The following ABI3BP variants were observed in gnomAD, a reference collection of about 807,000 sequenced individuals.
ABI3BP encodes the protein target of Nesh-SH3.
A neutral mutation model predicts 268.6 loss-of-function variants in ABI3BP; 216 were observed. The observed-to-expected ratio is 0.80, with a 90% CI of 0.72 to 0.90. The LOEUF is 0.90. Among genes scored for constraint, ABI3BP ranks in the 40% least tolerant of loss-of-function variants. The pLI is 0.00. For synonymous variants in ABI3BP, 730 were observed against 730.0 expected, an observed-to-expected ratio of 1.00 and a Z score of 0.00; for missense variants, 2,090 against 2,182.4, an observed-to-expected ratio of 0.96 and a Z score of 0.84.
At chr3:100,814,415 C>A (rs1315844749) in intron 44 of ABI3BP, among the ~76,000 whole-genome samples, 2 of 152,040 alleles carry the variant, frequency 1.3e-5, no homozygotes, top group Non-Finnish European at 2.9e-5. Context: ...AGTATTGATA[C>A]TTGTTTTATT....
intron 1 of ABI3BP, among the ~76,000 whole-genome samples, chr3:100,933,867 T>C (rs1561811204): frequency 2.0e-5 from 3 of 152,056 alleles, no homozygotes; most frequent in South Asian, 2.1e-4. Flanking sequence ...AGGACAGATG[T>C]TCTGTACCAC....
chr3:100,756,781 T>G (rs1047473357), intron 63 of ABI3BP, among the ~76,000 whole-genome samples: 2 of 150,000 alleles, frequency 1.3e-5, no homozygotes, highest in African/African-American at 2.5e-5. Flanking sequence ...TTTGGGTTTT[T>G]TTTTTTTTTT....
chr3:100,820,370 C>A, intron 39 of ABI3BP, 67 bp from the exon 40 acceptor site: 1 of 1,244,830 alleles, frequency 8.0e-7, no homozygotes, highest in Non-Finnish European at 1.1e-6. Flanking sequence ...GCATGACATA[C>A]GGTTTGAGAT....
intron 51 of ABI3BP, among the ~76,000 whole-genome samples, chr3:100,798,310 T>C (rs750702220): frequency 1.3e-5 from 2 of 152,144 alleles, no homozygotes; most frequent in Non-Finnish European, 2.9e-5. Context: ...GTGAAATCAG[T>C]GGAAAGGAAA....
intron 63 of ABI3BP, among the ~76,000 whole-genome samples, chr3:100,757,258 C>T (rs1383754433): frequency 6.6e-6 from 1 of 152,046 alleles, no homozygotes; most frequent in Non-Finnish European, 1.5e-5. Context: ...ATAAATTTCC[C>T]AGTACTGAAA....
At chr3:100,917,141 A>T (rs2058845456) in intron 2 of ABI3BP, among the ~76,000 whole-genome samples, 1 of 152,218 alleles carries the variant, frequency 6.6e-6, no homozygotes, top group South Asian at 2.1e-4. Context: ...CAGCTATTAC[A>T]GCTGTGAATA....
At chr3:100,882,454 A>G (rs1169800997) in intron 6 of ABI3BP, among the ~76,000 whole-genome samples, 2 of 146,666 alleles carry the variant, frequency 1.4e-5, no homozygotes, top group Non-Finnish European at 3.0e-5. Context: ...TAATATATAT[A>G]TATATATTTT....
intron 1 of ABI3BP, among the ~76,000 whole-genome samples, chr3:100,944,464 T>G (rs2071125393): frequency 6.6e-6 from 1 of 152,078 alleles, no homozygotes; most frequent in Non-Finnish European, 1.5e-5. Context: ...TCTACCAATA[T>G]TAAAACATCC....
At chr3:100,847,920 A>G (rs1176804020) in intron 18 of ABI3BP, among the ~76,000 whole-genome samples, 3 of 152,192 alleles carry the variant, frequency 2.0e-5, no homozygotes, top group Non-Finnish European at 4.4e-5. Flanking sequence ...ATATTGTTTG[A>G]CAATGAAGAA....
chr3:100,750,606 A>G lies in ABI3BP; in HGVS notation c.5250T>C (p.Tyr1750=), dbSNP rs1009835283. ...CAGGTTCCTGGCGAACTGCTCTGAA[A>G]TAACCTGAGAGAGAAAATAGTTTCA... ...TSDQLPIKEG[Y]FRAVRQEPVQ... The change falls in exon 68 of 68, where the codon TAT becomes TAC. Residue 1750 remains tyrosine (Y), a synonymous_variant. Coordinates refer to ENST00000471714, the MANE Select transcript of ABI3BP (RefSeq NM_001375547.2). 1 of 1,609,000 alleles carries G rather than the reference A, an allele frequency of 6.2e-7. No homozygotes were observed. The highest frequency in any genetic ancestry group is 1.7e-4 in the Middle Eastern group (1 of 6,044).
intron 9 of ABI3BP, among the ~76,000 whole-genome samples, chr3:100,869,969 T>C (rs1581262203): frequency 6.6e-6 from 1 of 152,300 alleles, no homozygotes; most frequent in East Asian, 1.9e-4. Context: ...AACTTTTTTG[T>C]TTATATCTCT....
intron 6 of ABI3BP, among the ~76,000 whole-genome samples, chr3:100,882,873 C>T (rs1394388794): frequency 6.6e-6 from 1 of 151,980 alleles, no homozygotes; most frequent in East Asian, 1.9e-4. Flanking sequence ...AGCATGACAG[C>T]CAAGAGGGTA....
In ABI3BP at chr3:100,828,470, A is replaced by T; in HGVS notation, c.2543-18T>A. ...AGCAGGAACTGGCCAAAAATAATAA[A>T]AATAAAACACCAACAAAACATTAAA... On this transcript the variant is annotated intron_variant, in intron 33 of 67. Coordinates refer to ENST00000471714, the MANE Select transcript of ABI3BP (RefSeq NM_001375547.2). 6.6e-7 allele frequency: 1 copy of T among 1,523,358 alleles called. No individual in the cohort carries two copies. The highest frequency in any genetic ancestry group is 8.8e-7 in the Non-Finnish European group (1 of 1,137,224). 94.4% of individuals were successfully genotyped at this position (1,523,358 alleles called of 1,614,324 possible).
intron 1 of ABI3BP, among the ~76,000 whole-genome samples, chr3:100,964,614 C>A (rs2080558416): frequency 6.6e-6 from 1 of 152,192 alleles, no homozygotes; most frequent in South Asian, 2.1e-4. Flanking sequence ...TGTTTAACAT[C>A]TTTTTGCCTC....
At position 100,834,678 on chromosome 3, in the gene ABI3BP, A is replaced by G; in HGVS notation, c.2281+6T>C. On this transcript the variant is annotated splice_donor_region_variant and intron_variant, in intron 29 of 67. Coordinates refer to ENST00000471714, the MANE Select transcript of ABI3BP (RefSeq NM_001375547.2). ...CCACAGGGACAAGGAACCACATATT[A>G]TTTACCTAGTTTGGTCTGCAGTGTC... The G allele has an allele frequency of 6.5e-7, 1 of 1,534,858 alleles. No homozygotes were observed. The highest frequency in any genetic ancestry group is 8.7e-7 in the Non-Finnish European group (1 of 1,146,070).
intron 58 of ABI3BP, among the ~76,000 whole-genome samples, chr3:100,778,871 TC>T (rs2096788062): frequency 6.6e-6 from 1 of 152,182 alleles, no homozygotes. Flanking sequence ...GATTTTAGTA[TC>T]TGAGGAAAAT....
intron 1 of ABI3BP, among the ~76,000 whole-genome samples, chr3:100,988,361 A>G (rs564486144): frequency 1.3e-5 from 2 of 152,324 alleles, no homozygotes; most frequent in Non-Finnish European, 2.9e-5. Flanking sequence ...GAGTCAGGCC[A>G]GATAGAGACA....
intron 2 of ABI3BP, among the ~76,000 whole-genome samples, chr3:100,904,775 G>A (rs1018782540): frequency 1.3e-5 from 2 of 152,196 alleles, no homozygotes; most frequent in African/African-American, 4.8e-5. Flanking sequence ...GTGCTGGAGA[G>A]GATGTGGAGA....
chr3:100,948,511 T>C (rs527953308), intron 1 of ABI3BP, among the ~76,000 whole-genome samples: 1 of 152,336 alleles, frequency 6.6e-6, no homozygotes, highest in East Asian at 1.9e-4. Flanking sequence ...AAAAGCTTGA[T>C]GAAAACAAAG....
Sources: allele counts gnomAD v4.1 joint callset (sites outside exome capture counted in the v4.1 genomes callset), GRCh38; gene constraint gnomAD v4.1.1; transcripts MANE v1.5; gene names NCBI Gene and HGNC (gene_info 2026-07-23, HGNC 2026-07-21).